The following MAF variants were observed in gnomAD, a reference collection of about 807,000 sequenced individuals.
The protein encoded by MAF is transcription factor Maf.
MAF carries 10 observed loss-of-function variants against 22.0 expected under a neutral mutation model. The ratio of observed to expected loss-of-function variants is 0.45; its 90% CI spans 0.28 to 0.77. The LOEUF is 0.77. Ranked by LOEUF, MAF falls within the 30% of genes least tolerant of loss-of-function variation. MAF has a pLI of 0.12. For synonymous variants in MAF, 337 were observed against 255.8 expected (o/e 1.32, Z -3.03); for missense variants, 544 against 548.4 (o/e 0.99, Z 0.08).
chr16:79,233,039 A>C, the MAF span, among the ~76,000 whole-genome samples: 11 of 151,728 alleles, frequency 7.2e-5, no homozygotes, highest in African/African-American at 2.7e-4. Context: ...ACTGGGTGTC[A>C]CCGTGTTAGC....
At chr16:79,357,686 G>A in the MAF span, among the ~76,000 whole-genome samples, 1 of 152,094 alleles carries the variant, frequency 6.6e-6, no homozygotes. Context: ...AGCAGGCATT[G>A]GCACTGCTTG....
chr16:79,455,143 C>T, the MAF span, among the ~76,000 whole-genome samples: 1 of 149,894 alleles, frequency 6.7e-6, no homozygotes, highest in Admixed American at 6.7e-5. Context: ...TGTCCATTTC[C>T]CATGTCACCT....
chr16:79,212,048 G>T, the MAF span: 2 of 1,536,360 alleles, frequency 1.3e-6, no homozygotes, highest in Non-Finnish European at 1.7e-6. Flanking sequence ...CTGTTTGAAA[G>T]TAAAAACCTG....
chr16:79,230,674 T>C, the MAF span, among the ~76,000 whole-genome samples: 2 of 152,122 alleles, frequency 1.3e-5, no homozygotes, highest in African/African-American at 4.8e-5. Context: ...TAACCAAGTA[T>C]ACGAAAAGAG....
chr16:79,309,832 T>C, the MAF span, among the ~76,000 whole-genome samples: 7 of 152,184 alleles, frequency 4.6e-5, no homozygotes, highest in African/African-American at 1.7e-4. Context: ...TGTACCTCTA[T>C]GCTGTGGGAA....
the MAF span, among the ~76,000 whole-genome samples, chr16:79,408,095 A>AC: frequency 6.8e-6 from 1 of 146,902 alleles, no homozygotes; most frequent in African/African-American, 2.6e-5. Context: ...AAAAAAAAAA[A>AC]AAAAACCTAA....
chr16:79,436,279 T>C, the MAF span, among the ~76,000 whole-genome samples: 58 of 152,268 alleles, frequency 3.8e-4, no homozygotes, highest in South Asian at 0.011. Flanking sequence ...GATGAGGTTT[T>C]GCCATGTTGG....
At chr16:79,572,964 G>A in the MAF span, among the ~76,000 whole-genome samples, 1 of 152,196 alleles carries the variant, frequency 6.6e-6, no homozygotes, top group Non-Finnish European at 1.5e-5. Flanking sequence ...GGTGTATGGA[G>A]ACTGCCAATC....
At chr16:79,582,504 G>A (rs541000892), downstream of MAF, among the ~76,000 whole-genome samples, 5 of 152,216 alleles carry the variant, frequency 3.3e-5, no homozygotes, top group East Asian at 1.9e-4. Flanking sequence ...GCATAATTAG[G>A]CTAGTTACGC....
At chr16:79,334,079 G>C in the MAF span, among the ~76,000 whole-genome samples, 2 of 152,204 alleles carry the variant, frequency 1.3e-5, no homozygotes, top group Admixed American at 1.3e-4. Context: ...CTAAATGTGA[G>C]ACAAACATCG....
At chr16:79,521,171 A>G in the MAF span, among the ~76,000 whole-genome samples, 1 of 152,206 alleles carries the variant, frequency 6.6e-6, no homozygotes, top group East Asian at 1.9e-4. Flanking sequence ...TGAACATCTT[A>G]TGCTCAAGTG....
chr16:79,212,143 C>A, the MAF span: 7 of 1,518,080 alleles, frequency 4.6e-6, no homozygotes, highest in Admixed American at 4.1e-5. Flanking sequence ...GAGGTCCCCT[C>A]GTCCCATCCA....
chr16:79,211,707 C>G, the MAF span: 5 of 1,614,228 alleles, frequency 3.1e-6, no homozygotes, highest in Middle Eastern at 1.6e-4. Flanking sequence ...CATGCCCTCA[C>G]CAGAAGCTCA....
the MAF span, among the ~76,000 whole-genome samples, chr16:79,343,012 G>GA: frequency 1.3e-5 from 2 of 152,100 alleles, no homozygotes; most frequent in Non-Finnish European, 2.9e-5. Context: ...GGTTCTTACA[G>GA]AAAAAAAGTC....
chr16:79,269,305 C>A, the MAF span, among the ~76,000 whole-genome samples: 1 of 152,194 alleles, frequency 6.6e-6, no homozygotes, highest in Non-Finnish European at 1.5e-5. Flanking sequence ...GTGAGTTACA[C>A]CTTCCTCCTC....
chr16:79,347,097 C>G, the MAF span, among the ~76,000 whole-genome samples: 1 of 152,220 alleles, frequency 6.6e-6, no homozygotes, highest in Non-Finnish European at 1.5e-5. Context: ...GCAGAGGGCT[C>G]TCAACAAATG....
At chr16:79,496,112 A>T in the MAF span, among the ~76,000 whole-genome samples, 2 of 152,200 alleles carry the variant, frequency 1.3e-5, no homozygotes, top group African/African-American at 4.8e-5. Context: ...ACCCACAAAA[A>T]TTATGAGATA....
At chr16:79,484,945 T>C in the MAF span, among the ~76,000 whole-genome samples, 1 of 152,228 alleles carries the variant, frequency 6.6e-6, no homozygotes, top group Non-Finnish European at 1.5e-5. Context: ...CTTTGCACCT[T>C]GGACCTGCCA....
At chr16:79,232,373 C>T in the MAF span, among the ~76,000 whole-genome samples, 1 of 152,012 alleles carries the variant, frequency 6.6e-6, no homozygotes, top group Admixed American at 6.6e-5. Flanking sequence ...TGCATAAGAA[C>T]ATTTTCATGT....
Sources: gnomAD v4.1 joint callset for allele counts (sites outside exome capture counted in the v4.1 genomes callset) on GRCh38, gnomAD v4.1.1 for gene constraint, MANE v1.5 for transcripts, NCBI Gene and HGNC (gene_info 2026-07-23, HGNC 2026-07-21) for gene names.